Variants in CCDC66 observed in about 807,000 individuals in gnomAD.
The protein encoded by CCDC66 is coiled-coil domain-containing protein 66.
Under a neutral mutation model 128.3 loss-of-function variants are expected in CCDC66, and 133 were observed. The ratio of observed to expected loss-of-function variants is 1.04; its 90% CI spans 0.90 to 1.20. The LOEUF (loss-of-function observed/expected upper bound fraction) is 1.20. Among genes scored for constraint, CCDC66 ranks in the 50% most tolerant of loss-of-function variants. CCDC66 has a pLI of 0.00. For synonymous variants in CCDC66, 387 were observed against 357.0 expected (o/e 1.08, Z -0.95); for missense variants, 1,126 against 1,075.5 (o/e 1.05, Z -0.66).
intron 10 of CCDC66, among the ~76,000 whole-genome samples, chr3:56,607,326 G>A (rs368229770): frequency 3.9e-5 from 6 of 152,226 alleles, no homozygotes; most frequent in South Asian, 2.1e-4. Context: ...TTTCAGCAGC[G>A]TTTTGTAGTT....
At chr3:56,602,812 C>A (rs2073410522) in intron 10 of CCDC66, among the ~76,000 whole-genome samples, 1 of 148,316 alleles carries the variant, frequency 6.7e-6, no homozygotes, top group African/African-American at 2.5e-5. Context: ...TCTGTGGGAA[C>A]AGCGGTGATA....
Position 56,594,005 on chromosome 3 carries a change from C to T in CCDC66, c.1381C>T (p.Arg461Ter), listed in dbSNP as rs150364083. Residue 461 changes from arginine (R) to a stop codon, truncating the protein, a stop_gained, in exon 10 of 18, where the codon CGA becomes TGA. Coordinates refer to ENST00000394672, the MANE Select transcript of CCDC66 (RefSeq NM_001141947.3). LOFTEE classifies it high-confidence loss of function. Reference protein sequence around the residue: ...PAQIEERDRRRQKQLEHQKAI... With the variant: ...PAQIEERDRR The stretch of plus-strand genomic sequence containing the variant: ...TCAGATTGAGGAACGAGACAGACGA[C>T]GACAAAAACAATTAGAGCATCAGGT... 8,390 of 1,613,902 alleles carry T rather than the reference C, an allele frequency of 5.2e-3. 27 individuals are homozygous for T. Among genetic ancestry groups the T allele is most frequent in the Non-Finnish European group, 6.0e-3 (7,072 of 1,179,860 alleles).
At position 56,597,951 on chromosome 3, in the gene CCDC66, T is replaced by G. The variant is rs1440152264; in HGVS notation, c.1404+3923T>G. Among the ~76,000 whole-genome samples the G allele has an allele frequency of 2.0e-5, 3 of 151,112 alleles. 1 individual carries two copies. Among genetic ancestry groups the G allele is most frequent in the African/African-American group, 7.3e-5 (3 of 40,938 alleles). ...CACCGCACCTTGTAATTTTTGTATTTTTTTAGTAGAGATGGGGTTTCGCAG... is the reference window on the plus strand; with the variant it reads ...CACCGCACCTTGTAATTTTTGTATTGTTTTAGTAGAGATGGGGTTTCGCAG... On this transcript the variant is annotated intron_variant, in intron 10 of 17. Transcript: ENST00000394672.
chr3:56,559,999 A>C (rs1577191800), intron 3 of CCDC66, among the ~76,000 whole-genome samples: 1 of 152,296 alleles, frequency 6.6e-6, no homozygotes, highest in South Asian at 2.1e-4. Flanking sequence ...TGGACAATGC[A>C]CTCCAGAGAT....
chr3:56,585,827 TAATAC>T (rs1198870771), intron 7 of CCDC66, among the ~76,000 whole-genome samples: 1 of 151,896 alleles, frequency 6.6e-6, no homozygotes, highest in East Asian at 2.0e-4. Context: ...ATATTTCTTT[TAATAC>T]AAAAGTTCTT....
At chr3:56,603,495 T>C (rs1445348507) in intron 10 of CCDC66, among the ~76,000 whole-genome samples, 1 of 152,070 alleles carries the variant, frequency 6.6e-6, no homozygotes, top group Admixed American at 6.5e-5. Context: ...CTCTTTGTTC[T>C]CATTGGTTTC....
intron 6 of CCDC66, 55 bp from the exon 7 acceptor site, chr3:56,571,126 A>T: frequency 7.5e-7 from 1 of 1,335,114 alleles, no homozygotes; most frequent in South Asian, 1.4e-5. Context: ...ATTTGTTTAC[A>T]TGGTTCTGTT....
chr3:56,621,752 A>T lies in CCDC66; in HGVS notation c.*134A>T. ...AATGCTCATTAAAAACTTGTATACT[A>T]TGTAGTAAAATGCTGTACTTGTTCT... On this transcript the variant is annotated 3_prime_UTR_variant, in exon 18 of 18. Transcript: ENST00000394672. 2.4e-6 allele frequency: 1 copy of T among 408,590 alleles called. No homozygotes were observed. Among genetic ancestry groups the T allele is most frequent in the Non-Finnish European group, 4.4e-6 (1 of 225,814 alleles). 25.3% of individuals were successfully genotyped at this position (408,590 alleles called of 1,614,324 possible).
chr3:56,572,581 C>T, intron 7 of CCDC66: 1 of 247,882 alleles, frequency 4.0e-6, no homozygotes, highest in Non-Finnish European at 8.0e-6. Flanking sequence ...GCTATCCCTT[C>T]CTCCTTGTGA....
rs774788240 is a variant in CCDC66 at position 56,592,970 on chromosome 3, G to T, written c.937G>T (p.Glu313Ter). ...EKHQILDQSR[E>*]TVLLEHPFSA... Reference sequence around the variant, plus strand: ...GATGGCTTTTATGGCTGTTGTTTAGGAAACAGTACTGCTGGAGCACCCTTT... The same window carrying T: ...GATGGCTTTTATGGCTGTTGTTTAGTAAACAGTACTGCTGGAGCACCCTTT... Residue 313 changes from glutamate (E) to a stop codon, truncating the protein, a stop_gained and splice_region_variant, in exon 8 of 18, where the codon GAA (glutamate) becomes TAA (stop). Transcript: ENST00000394672. LOFTEE classifies it high-confidence loss of function. 3.7e-6 allele frequency: 6 copies of T among 1,604,102 alleles called. No individual in the cohort carries two copies. The South Asian group carries it at 4.5e-5, about 12-fold the overall frequency.
In CCDC66 at chr3:56,563,844, CTT is replaced by C. The variant is rs1251480183; in HGVS notation, c.267_268del (p.Ser90IlefsTer3). Reference sequence around the variant, plus strand: ...GCAAAAGGTGAAAAAAATGGAATGACTTTTTCATCCACTAAGGATTTATGTAA... The same window carrying C: ...GCAAAAGGTGAAAAAAATGGAATGACTTTCATCCACTAAGGATTTATGTAA... On this transcript the variant is annotated frameshift_variant, in exon 4 of 18. Transcript: ENST00000394672. LOFTEE classifies it high-confidence loss of function. The C allele has an allele frequency of 1.3e-6, 2 of 1,575,486 alleles. No homozygotes were observed. The highest frequency in any genetic ancestry group is 2.7e-5 in the African/African-American group (2 of 73,574).
chr3:56,584,547 A>G (rs1476914769), intron 7 of CCDC66, among the ~76,000 whole-genome samples: 17 of 150,452 alleles, frequency 1.1e-4, no homozygotes, highest in African/African-American at 4.2e-4. Context: ...AGCCGGGCAG[A>G]GACGCTCCTC....
intron 10 of CCDC66, among the ~76,000 whole-genome samples, chr3:56,609,521 A>G (rs1029733301): frequency 3.3e-5 from 5 of 152,210 alleles, no homozygotes; most frequent in Non-Finnish European, 7.3e-5. Context: ...GTTCTTATCC[A>G]TTCTGCAGTT....
intron 6 of CCDC66, 80 bp from the exon 7 acceptor site, chr3:56,571,101 C>T: frequency 9.8e-7 from 1 of 1,021,622 alleles, no homozygotes; most frequent in Non-Finnish European, 1.4e-6. Context: ...TTGGTATCTG[C>T]ATTAAGAAGG....
chr3:56,560,833 CT>C (rs753642471), intron 3 of CCDC66: 34 of 448,830 alleles, frequency 7.6e-5, no homozygotes, highest in African/African-American at 6.3e-4. Context: ...TCTTCCATAA[CT>C]TACTACAGCC....
intron 7 of CCDC66, chr3:56,572,434 T>A (rs2066763416): frequency 7.9e-7 from 1 of 1,262,100 alleles, no homozygotes; most frequent in East Asian, 5.6e-5. Flanking sequence ...TAGAGGTAAG[T>A]CCTAAGTGTC....
At chr3:56,558,531 G>C (rs971196499) in intron 1 of CCDC66, among the ~76,000 whole-genome samples, 1 of 152,104 alleles carries the variant, frequency 6.6e-6, no homozygotes, top group Non-Finnish European at 1.5e-5. Flanking sequence ...CTTATGTGAG[G>C]AGTTTTGGTA....
intron 10 of CCDC66, among the ~76,000 whole-genome samples, chr3:56,604,118 C>T (rs1411546761): frequency 6.6e-6 from 1 of 151,482 alleles, no homozygotes; most frequent in Non-Finnish European, 1.5e-5. Flanking sequence ...TTCTTTCTCT[C>T]CGTTTGATTG....
chr3:56,600,829 GT>G (rs1214466303), intron 10 of CCDC66, among the ~76,000 whole-genome samples: 1 of 151,930 alleles, frequency 6.6e-6, no homozygotes, highest in Non-Finnish European at 1.5e-5. Context: ...TGATGGGGTT[GT>G]TTTTTTCTTG....
Sources: allele counts gnomAD v4.1 joint callset (sites outside exome capture counted in the v4.1 genomes callset), GRCh38; gene constraint gnomAD v4.1.1; transcripts MANE v1.5; gene names NCBI Gene and HGNC (gene_info 2026-07-23, HGNC 2026-07-21).